The following KCND3 variants were observed in gnomAD, a reference collection of about 807,000 sequenced individuals.
The protein encoded by KCND3 is A-type voltage-gated potassium channel KCND3.
Under a neutral mutation model 51.1 loss-of-function variants are expected in KCND3, and 9 were observed. That is an observed-to-expected ratio of 0.18 (90% CI 0.11 to 0.31). The LOEUF is 0.31. KCND3 is among the 10% of genes least tolerant of loss of function. The pLI is 1.00. For synonymous variants in KCND3, 349 were observed against 368.0 expected, an observed-to-expected ratio of 0.95 and a Z score of 0.59; for missense variants, 526 against 903.8, an observed-to-expected ratio of 0.58 and a Z score of 5.36.
chr1:111,900,870 T>C (rs543514003), intron 2 of KCND3, among the ~76,000 whole-genome samples: 1 of 152,172 alleles, frequency 6.6e-6, no homozygotes, highest in African/African-American at 2.4e-5. Context: ...GGCAGGAGAA[T>C]CGCTTGAACC....
At chr1:111,814,195 A>G (rs561230638) in intron 2 of KCND3, among the ~76,000 whole-genome samples, 4 of 152,328 alleles carry the variant, frequency 2.6e-5, no homozygotes, top group African/African-American at 9.6e-5. Context: ...GCATTGCGTC[A>G]GACACCGGGT....
At chr1:111,901,406 A>G (rs905846603) in intron 2 of KCND3, among the ~76,000 whole-genome samples, 3 of 152,240 alleles carry the variant, frequency 2.0e-5, no homozygotes, top group Non-Finnish European at 4.4e-5. Context: ...TATTAGCATA[A>G]AAGCTTTCCA....
intron 2 of KCND3, among the ~76,000 whole-genome samples, chr1:111,901,670 C>G (rs1670388476): frequency 6.6e-6 from 1 of 152,148 alleles, no homozygotes; most frequent in African/African-American, 2.4e-5. Flanking sequence ...GAGGCTCATT[C>G]CCAGTACTTT....
At position 111,982,791 on chromosome 1, in the gene KCND3, A is replaced by G; in HGVS notation, c.-65T>C. 2.6e-6 allele frequency: 4 copies of G among 1,550,684 alleles called. No homozygotes were observed. The highest frequency in any genetic ancestry group is 3.5e-6 in the Non-Finnish European group (4 of 1,155,004). On this transcript the variant is annotated 5_prime_UTR_variant, in exon 2 of 8. Transcript: ENST00000302127. This position sits in a 1 kb window ranked among gnomAD's most constrained non-coding sequence, Gnocchi z 8.5. ...AGGCACACCAGCTTGGAGTTAGTTCAGCAAACCCTGGGAGACAGGAGGGGA... is the reference window on the plus strand; with the variant it reads ...AGGCACACCAGCTTGGAGTTAGTTCGGCAAACCCTGGGAGACAGGAGGGGA...
chr1:111,886,151 G>T (rs1012887104), intron 2 of KCND3, among the ~76,000 whole-genome samples: 3 of 152,208 alleles, frequency 2.0e-5, no homozygotes, highest in Non-Finnish European at 4.4e-5. Context: ...GGCTTGAGAG[G>T]TTCATGTGAA....
At chr1:111,787,522 T>C (rs1206007300) in intron 2 of KCND3, among the ~76,000 whole-genome samples, 1 of 152,004 alleles carries the variant, frequency 6.6e-6, no homozygotes, top group Non-Finnish European at 1.5e-5. Flanking sequence ...AAACAGCAAG[T>C]ACAGAGGCCT....
chr1:111,798,938 A>T (rs1665172900), intron 2 of KCND3, among the ~76,000 whole-genome samples: 1 of 152,020 alleles, frequency 6.6e-6, no homozygotes. Context: ...CACAGCTGGG[A>T]GGAGTCAGCA....
chr1:111,812,598 C>T lies in KCND3; in HGVS notation c.1107-25492G>A, dbSNP rs545355458. Among the ~76,000 whole-genome samples, 97 of 152,300 alleles carry T rather than the reference C, an allele frequency of 6.4e-4. 1 individual carries two copies. In the South Asian group the frequency reaches 0.015, roughly 23 times the overall value. The stretch of plus-strand genomic sequence containing the variant: ...GGACCTTTTACATTTTTAATCTGTA[C>T]GAGGGCCCAATGTAGTAGGTTCTCT... On this transcript the variant is annotated intron_variant, in intron 2 of 7. Coordinates refer to ENST00000302127, the MANE Select transcript of KCND3 (RefSeq NM_001378969.1).
chr1:111,835,138 G>C (rs1667013740), intron 2 of KCND3, among the ~76,000 whole-genome samples: 1 of 152,198 alleles, frequency 6.6e-6, no homozygotes, highest in Non-Finnish European at 1.5e-5. Flanking sequence ...ATCTGGGAGG[G>C]AGTCAGCCAC....
chr1:111,778,336 G>A, intron 6 of KCND3, 100 bp downstream of exon 6: 1 of 1,073,514 alleles, frequency 9.3e-7, no homozygotes, highest in South Asian at 1.2e-5. Flanking sequence ...AGAATCAGCA[G>A]CACATGCACA....
In KCND3 at chr1:111,780,865, G is replaced by A. The variant is rs545499613; in HGVS notation, c.1270-74C>T. The A allele has an allele frequency of 5.4e-6, 7 of 1,302,158 alleles. No homozygotes were observed. 80.7% of individuals were successfully genotyped at this position (1,302,158 alleles called of 1,614,324 possible). On this transcript the variant is annotated intron_variant, in intron 3 of 7. Coordinates refer to ENST00000302127, the MANE Select transcript of KCND3 (RefSeq NM_001378969.1). This position sits in a 1 kb window ranked among gnomAD's most constrained non-coding sequence, Gnocchi z 4.2. ...AAGACAGCAAGGCTGGTGAAGCTGTGAGGCTGGCTTCCCAGGTGACACCTG... is the reference window on the plus strand; with the variant it reads ...AAGACAGCAAGGCTGGTGAAGCTGTAAGGCTGGCTTCCCAGGTGACACCTG...
At chr1:111,788,854 G>A (rs1030368380) in intron 2 of KCND3, among the ~76,000 whole-genome samples, 1 of 152,190 alleles carries the variant, frequency 6.6e-6, no homozygotes, top group Non-Finnish European at 1.5e-5. Context: ...GATAATAACA[G>A]TAACCTAGAT....
At chr1:111,832,177 A>G (rs974669415) in intron 2 of KCND3, among the ~76,000 whole-genome samples, 1 of 152,200 alleles carries the variant, frequency 6.6e-6, no homozygotes, top group Non-Finnish European at 1.5e-5. Flanking sequence ...TTGGGTCTAC[A>G]CCTTCCCAGG....
At chr1:111,878,030 A>C (rs1669130017) in intron 2 of KCND3, among the ~76,000 whole-genome samples, 1 of 152,308 alleles carries the variant, frequency 6.6e-6, no homozygotes, top group East Asian at 1.9e-4. Flanking sequence ...CAAATGAGGA[A>C]GTTGTGGCAC....
chr1:111,823,793 C>A (rs1666454675), intron 2 of KCND3, among the ~76,000 whole-genome samples: 1 of 152,130 alleles, frequency 6.6e-6, no homozygotes, highest in Admixed American at 6.5e-5. Flanking sequence ...CCAGGCAGAA[C>A]TGAGGTGTAA....
intron 2 of KCND3, among the ~76,000 whole-genome samples, chr1:111,837,943 T>C (rs71513978): frequency 0.014 from 2,199 of 152,200 alleles, 34 homozygotes; most frequent in African/African-American, 0.036. Flanking sequence ...GACTGGGTGT[T>C]TTGGGGGGAG....
chr1:111,837,215 C>T (rs1009770607), intron 2 of KCND3, among the ~76,000 whole-genome samples: 4 of 152,190 alleles, frequency 2.6e-5, no homozygotes, highest in African/African-American at 9.7e-5. Context: ...CACTCCCCTG[C>T]TAGCCCTCAC....
At chr1:111,970,252 G>A (rs192400357) in intron 2 of KCND3, among the ~76,000 whole-genome samples, 79 of 152,134 alleles carry the variant, frequency 5.2e-4, no homozygotes, top group African/African-American at 1.8e-3. Context: ...TCTGACCTCA[G>A]TTGATCCACT....
intron 2 of KCND3, among the ~76,000 whole-genome samples, chr1:111,829,198 T>C (rs1293917601): frequency 1.3e-5 from 2 of 152,162 alleles, no homozygotes; most frequent in East Asian, 1.9e-4. Flanking sequence ...GGCTGTGTGG[T>C]TGTGCGGTTG....
Sources: allele counts gnomAD v4.1 joint callset (sites outside exome capture counted in the v4.1 genomes callset), GRCh38; gene constraint gnomAD v4.1.1; non-coding constraint Gnocchi (gnomAD v3.1); transcripts MANE v1.5; gene names NCBI Gene and HGNC (gene_info 2026-07-23, HGNC 2026-07-21).